The following SARNP variants were observed in gnomAD, a reference collection of about 807,000 sequenced individuals.
SARNP encodes SAP domain-containing ribonucleoprotein.
SARNP carries 5 observed loss-of-function variants against 38.1 expected under a neutral mutation model. The ratio of observed to expected loss-of-function variants is 0.13; its 90% confidence interval spans 0.07 to 0.28. The LOEUF is 0.28. SARNP is among the 10% of genes least tolerant of loss of function. The pLI, the probability that SARNP is intolerant of heterozygous loss-of-function variation, is 1.00. For synonymous variants in SARNP, 84 were observed against 80.6 expected (o/e 1.04, Z -0.23); for missense variants, 180 against 243.9 (o/e 0.74, Z 1.75).
chr12:55,774,648 T>A (rs890019029), intron 9 of SARNP, among the ~76,000 whole-genome samples: 2 of 150,198 alleles, frequency 1.3e-5, no homozygotes, highest in Non-Finnish European at 2.9e-5. Context: ...CTCGGGAGGT[T>A]GAGGCAGGAA....
intron 7 of SARNP, among the ~76,000 whole-genome samples, chr12:55,790,827 C>T (rs989941285): frequency 1.3e-5 from 2 of 152,108 alleles, no homozygotes; most frequent in Non-Finnish European, 2.9e-5. Flanking sequence ...TACATATGAT[C>T]CCACAATTCC....
At chr12:55,791,745 G>A (rs868274035) in intron 7 of SARNP, among the ~76,000 whole-genome samples, 1 of 151,750 alleles carries the variant, frequency 6.6e-6, no homozygotes, top group Non-Finnish European at 1.5e-5. Context: ...GGCTCCTTAA[G>A]GCCAATTTTC....
At chr12:55,770,965 C>A (rs1300419281) in intron 9 of SARNP, among the ~76,000 whole-genome samples, 1 of 145,196 alleles carries the variant, frequency 6.9e-6, no homozygotes, top group African/African-American at 2.6e-5. Context: ...AACAGAGTTT[C>A]GCTCTTGTTG....
At chr12:55,802,624 A>ATT (rs1233503205) in intron 2 of SARNP, among the ~76,000 whole-genome samples, 1 of 151,856 alleles carries the variant, frequency 6.6e-6, no homozygotes, top group Non-Finnish European at 1.5e-5. Context: ...AAGATATCTC[A>ATT]TTATATATAT....
intron 9 of SARNP, among the ~76,000 whole-genome samples, chr12:55,771,440 A>C (rs1413577042): frequency 6.6e-6 from 1 of 152,188 alleles, no homozygotes; most frequent in Non-Finnish European, 1.5e-5. Context: ...CGACCAAAAG[A>C]ATTAACCAAG....
intron 2 of SARNP, among the ~76,000 whole-genome samples, chr12:55,801,171 G>A (rs75180715): frequency 0.04 from 6,062 of 152,300 alleles, 181 homozygotes; most frequent in Non-Finnish European, 0.058. Flanking sequence ...GCCAGGCACC[G>A]TGGCTCTCTG....
At chr12:55,780,371 T>C (rs1360972642) in intron 9 of SARNP, among the ~76,000 whole-genome samples, 1 of 151,810 alleles carries the variant, frequency 6.6e-6, no homozygotes. Flanking sequence ...GGAGAATTGC[T>C]TGAACCTGGG....
intron 9 of SARNP, among the ~76,000 whole-genome samples, chr12:55,768,269 G>C (rs1878904536): frequency 6.6e-6 from 1 of 151,730 alleles, no homozygotes; most frequent in Non-Finnish European, 1.5e-5. Context: ...GGGATTACAG[G>C]TGCCTGCCAC....
intron 9 of SARNP, among the ~76,000 whole-genome samples, chr12:55,780,503 AAAG>A (rs987457164): frequency 2.6e-5 from 4 of 151,758 alleles, no homozygotes; most frequent in Non-Finnish European, 4.4e-5. Context: ...AAAGAAAAGA[AAAG>A]AAAAGAAAGA....
At chr12:55,809,840 G>T (rs912815079) in intron 1 of SARNP, among the ~76,000 whole-genome samples, 1 of 152,212 alleles carries the variant, frequency 6.6e-6, no homozygotes, top group South Asian at 2.1e-4. Context: ...TGTATAATGT[G>T]TATAAACAAG....
intron 7 of SARNP, chr12:55,792,841 T>C (rs1009278559): frequency 1.3e-5 from 2 of 152,056 alleles, no homozygotes; most frequent in African/African-American, 2.4e-5. Flanking sequence ...CCTGCCACCA[T>C]GTCTAGTTAA....
intron 5 of SARNP, among the ~76,000 whole-genome samples, chr12:55,795,162 G>C (rs956947620): frequency 6.6e-6 from 1 of 151,912 alleles, no homozygotes; most frequent in African/African-American, 2.4e-5. Context: ...ATTTCACCAT[G>C]ATGGCCAGGC....
chr12:55,779,741 T>C (rs963766529), intron 9 of SARNP, among the ~76,000 whole-genome samples: 23 of 152,168 alleles, frequency 1.5e-4, no homozygotes, highest in Admixed American at 1.4e-3. Flanking sequence ...ACAAGGGGGA[T>C]ACATTCCAAA....
At chr12:55,760,837 T>C (rs1447650657) in intron 9 of SARNP, 197 bp from the exon 10 acceptor site, 7 of 520,770 alleles carry the variant, frequency 1.3e-5, no homozygotes, top group Non-Finnish European at 2.4e-5. Context: ...GACTAAAAAC[T>C]TAATTTTAGG....
At chr12:55,803,853 T>A in intron 1 of SARNP, 125 bp from the exon 2 acceptor site, 1 of 621,424 alleles carries the variant, frequency 1.6e-6, no homozygotes, top group Admixed American at 2.7e-5. Context: ...TGCCCTTAAT[T>A]CTACCAAGGC....
At chr12:55,815,264 TACC>T (rs1356778593) in intron 1 of SARNP, among the ~76,000 whole-genome samples, 1 of 152,122 alleles carries the variant, frequency 6.6e-6, no homozygotes, top group Non-Finnish European at 1.5e-5. Flanking sequence ...CTCACTATGT[TACC>T]TAAGCTGGTC....
At chr12:55,780,670 CAAA>C in intron 9 of SARNP, among the ~76,000 whole-genome samples, 1 of 142,744 alleles carries the variant, frequency 7.0e-6, no homozygotes, top group East Asian at 2.0e-4. Context: ...AACTCTGTCT[CAAA>C]AAAAAAAAAT....
chr12:55,803,483 C>CAA (rs1296341861), intron 2 of SARNP, 146 bp downstream of exon 2: 216 of 381,348 alleles, frequency 5.7e-4, no homozygotes, highest in Non-Finnish European at 6.0e-4. Context: ...GACTCCATCT[C>CAA]AAAAAAAAAA....
chr12:55,797,735 G>A (rs906559077), intron 4 of SARNP, among the ~76,000 whole-genome samples: 2 of 152,022 alleles, frequency 1.3e-5, no homozygotes, highest in Admixed American at 6.6e-5. Flanking sequence ...AATAAACATC[G>A]AATTCTGGGA....
Sources: gnomAD v4.1 joint callset for allele counts (sites outside exome capture counted in the v4.1 genomes callset) on GRCh38, gnomAD v4.1.1 for gene constraint, MANE v1.5 for transcripts, NCBI Gene and HGNC (gene_info 2026-07-23, HGNC 2026-07-21) for gene names.